RYR3: variants seen among roughly 807,000 people sequenced by gnomAD.
RYR3 encodes brain ryanodine receptor-calcium release channel.
A neutral mutation model predicts 584.3 loss-of-function variants in RYR3; 207 were observed. That is an observed-to-expected ratio of 0.35 (90% CI 0.32 to 0.40). The LOEUF (loss-of-function observed/expected upper bound fraction) is 0.40, where lower values mean the gene tolerates loss of function less well. Among genes scored for constraint, RYR3 ranks in the 10% least tolerant of loss-of-function variants. The probability of loss-of-function intolerance (pLI) is 1.00; values close to 1 mark genes in which losing one functional copy is unlikely to be tolerated. For missense variants in RYR3, 5,616 were observed against 6,089.2 expected, an observed-to-expected ratio of 0.92 and a Z score of 2.59; for synonymous variants, 2,416 against 2,248.5, an observed-to-expected ratio of 1.07 and a Z score of -2.11.
intron 1 of RYR3, among the ~76,000 whole-genome samples, chr15:33,384,639 A>G (rs2041458764): frequency 6.8e-6 from 1 of 147,368 alleles, no homozygotes; most frequent in Non-Finnish European, 1.5e-5. Context: ...GAATAACTAC[A>G]TAAATTTAAT....
At chr15:33,451,468 GAA>G (rs145835897) in intron 1 of RYR3, among the ~76,000 whole-genome samples, 42 of 148,158 alleles carry the variant, frequency 2.8e-4, no homozygotes, top group African/African-American at 9.1e-4. Context: ...AAATTTTGGG[GAA>G]AAAAAAAAAC....
At chr15:33,321,833 A>G (rs1193063312) in intron 1 of RYR3, among the ~76,000 whole-genome samples, 2 of 152,210 alleles carry the variant, frequency 1.3e-5, no homozygotes, top group Non-Finnish European at 2.9e-5. Flanking sequence ...TTAACATTTT[A>G]AGTTGTAAAT....
chr15:33,451,704 C>T (rs1412606157), intron 1 of RYR3, among the ~76,000 whole-genome samples: 1 of 152,074 alleles, frequency 6.6e-6, no homozygotes, highest in Non-Finnish European at 1.5e-5. Context: ...AGATGGAATC[C>T]CATGCAAAGT....
intron 1 of RYR3, among the ~76,000 whole-genome samples, chr15:33,450,361 A>G (rs2047019638): frequency 6.6e-6 from 1 of 152,172 alleles, no homozygotes; most frequent in African/African-American, 2.4e-5. Flanking sequence ...GCTAGAAGGC[A>G]GAGAGGGCAG....
At chr15:33,345,192 T>G (rs1423027330) in intron 1 of RYR3, among the ~76,000 whole-genome samples, 2 of 151,952 alleles carry the variant, frequency 1.3e-5, no homozygotes, top group Non-Finnish European at 2.9e-5. Context: ...TAGAACAGAG[T>G]ATAAGCCTAC....
chr15:33,520,375 G>A (rs1191760349), intron 3 of RYR3, among the ~76,000 whole-genome samples: 2 of 152,182 alleles, frequency 1.3e-5, no homozygotes, highest in Non-Finnish European at 2.9e-5. Context: ...TACATTTGGT[G>A]AATGGAAATA....
intron 12 of RYR3, among the ~76,000 whole-genome samples, chr15:33,578,765 T>TAAAAA (rs1263790835): frequency 7.5e-5 from 2 of 26,760 alleles, no homozygotes; most frequent in African/African-American, 3.5e-4. Flanking sequence ...GAACTTAGAA[T>TAAAAA]AAAAAAAAAA....
intron 16 of RYR3, among the ~76,000 whole-genome samples, chr15:33,592,520 C>T (rs901027932): frequency 6.6e-6 from 1 of 152,120 alleles, no homozygotes; most frequent in Admixed American, 6.5e-5. Context: ...ATGGTGGGGC[C>T]CACTCCTGGG....
chr15:33,787,660 C>A (rs1367777714), intron 66 of RYR3, among the ~76,000 whole-genome samples: 1 of 152,170 alleles, frequency 6.6e-6, no homozygotes. Flanking sequence ...AGACTTATAT[C>A]CCTCCCTCAG....
At chr15:33,822,969 T>C (rs200624346) in intron 80 of RYR3, 27 bp from the exon 81 acceptor site, 1 of 1,595,430 alleles carries the variant, frequency 6.3e-7, no homozygotes, top group African/African-American at 1.3e-5. Context: ...TCATCGCTTT[T>C]CCCCTTACAA....
At chr15:33,556,375 T>G (rs2057066392) in intron 10 of RYR3, among the ~76,000 whole-genome samples, 1 of 152,242 alleles carries the variant, frequency 6.6e-6, no homozygotes, top group South Asian at 2.1e-4. Flanking sequence ...GATGCAACTC[T>G]GTGTTTCAGT....
chr15:33,796,541 A>G (rs1206385485), intron 67 of RYR3, among the ~76,000 whole-genome samples: 1 of 152,072 alleles, frequency 6.6e-6, no homozygotes, highest in Non-Finnish European at 1.5e-5. Flanking sequence ...CAGTTATTTC[A>G]TCCACTTGGG....
At chr15:33,852,858 A>G in intron 94 of RYR3, 187 bp from the exon 95 acceptor site, 1 of 553,200 alleles carries the variant, frequency 1.8e-6, no homozygotes, top group Non-Finnish European at 3.3e-6. Flanking sequence ...ATACAAAGTA[A>G]TGAAGCCATA....
intron 28 of RYR3, among the ~76,000 whole-genome samples, chr15:33,645,020 A>AT (rs571165659): frequency 6.6e-6 from 1 of 151,512 alleles, no homozygotes; most frequent in African/African-American, 2.4e-5. Context: ...TCTTGAAACA[A>AT]TTTTTTTTAT....
Position 33,464,503 on chromosome 15 carries a change from T to TATATATACAC in RYR3, c.52-8915_52-8914insTATATACACA, listed in dbSNP as rs1180164194. Among the ~76,000 whole-genome samples, 128 of 105,902 alleles carry TATATATACAC rather than the reference T, an allele frequency of 1.2e-3. 3 individuals carry two copies. The highest frequency in any genetic ancestry group is 3.3e-3 in the East Asian group (13 of 3,956). The allele number at this position is 105,902 out of a possible 152,430, so 69.5% of individuals were successfully genotyped here. On this transcript the variant is annotated intron_variant, in intron 1 of 103. Coordinates refer to ENST00000634891, the MANE Select transcript of RYR3 (RefSeq NM_001036.6). ...ATATATATATATACACATATATATA[T>TATATATACAC]ACATACACATACACATATATGTACA...
intron 1 of RYR3, among the ~76,000 whole-genome samples, chr15:33,317,676 C>G (rs1470034827): frequency 6.6e-6 from 1 of 152,086 alleles, no homozygotes; most frequent in Non-Finnish European, 1.5e-5. Context: ...ATTTCTGATT[C>G]CCGGTTGTTA....
chr15:33,639,242 A>G (rs1233376619), intron 27 of RYR3, among the ~76,000 whole-genome samples: 1 of 152,168 alleles, frequency 6.6e-6, no homozygotes, highest in Admixed American at 6.5e-5. Context: ...TATTATTAGG[A>G]TGCTGTTTAA....
rs1211168792 is a variant in RYR3, at chr15:33,722,807, A to G, written c.6712A>G (p.Asn2238Asp). ...FGPALRGEGG[N>D]GLLAAMQGAI... ...CCCGGCCCTGCGGGGTGAGGGGGGAAACGGGCTCTTGGCAGCCATGCAGGG... is the reference window on the plus strand; with the variant it reads ...CCCGGCCCTGCGGGGTGAGGGGGGAGACGGGCTCTTGGCAGCCATGCAGGG... The change falls in exon 44 of 104, where the codon AAC becomes GAC. Residue 2238 changes from asparagine (N) to aspartate (D), a missense_variant. This residue lies in a region of RYR3 where 1,280 missense variants were observed against 1,426.2 expected (regional missense o/e 0.90). Transcript: ENST00000634891. 2.5e-6 allele frequency: 4 copies of G among 1,613,266 alleles called. No individual in the cohort carries two copies. Among genetic ancestry groups the G allele is most frequent in the Admixed American group, 3.3e-5 (2 of 59,912 alleles).
At chr15:33,775,064 A>G (rs114595238) in intron 64 of RYR3, among the ~76,000 whole-genome samples, 2,711 of 151,520 alleles carry the variant, frequency 0.018, 74 homozygotes, top group African/African-American at 0.062. Flanking sequence ...TCAACTCTGA[A>G]GTGTCAGACC....
Sources: allele counts gnomAD v4.1 joint callset (sites outside exome capture counted in the v4.1 genomes callset), GRCh38; gene constraint gnomAD v4.1.1; regional missense constraint gnomAD v4.1.1; transcripts MANE v1.5; gene names NCBI Gene and HGNC (gene_info 2026-07-23, HGNC 2026-07-21).